Variants in NAV3 observed in about 807,000 individuals in gnomAD.
NAV3 encodes the protein neuron navigator 3, also known as pore membrane and/or filament interacting like protein 1.
A neutral mutation model predicts 244.7 loss-of-function variants in NAV3; 87 were observed. That is an observed-to-expected ratio of 0.36 (90% confidence interval 0.30 to 0.42). NAV3 has a LOEUF of 0.42. Ranked by LOEUF, NAV3 falls within the 20% of genes least tolerant of loss-of-function variation. The probability of loss-of-function intolerance (pLI) is 1.00; values close to 1 mark genes in which losing one functional copy is unlikely to be tolerated. For synonymous variants in NAV3, 1,126 were observed against 1,042.2 expected, an observed-to-expected ratio of 1.08 and a Z score of -1.55; for missense variants, 2,663 against 2,893.3, an observed-to-expected ratio of 0.92 and a Z score of 1.83.
chr12:77,677,192 C>A (rs1874243979), intron 2 of NAV3, among the ~76,000 whole-genome samples: 1 of 152,108 alleles, frequency 6.6e-6, no homozygotes, highest in African/African-American at 2.4e-5. Context: ...ACTTATGCAA[C>A]AAATATTGAT....
intron 16 of NAV3, among the ~76,000 whole-genome samples, chr12:78,123,856 C>T (rs143812154): frequency 3.9e-5 from 6 of 152,232 alleles, no homozygotes; most frequent in African/African-American, 1.4e-4. Context: ...CCTAAAATGT[C>T]GGGCTTCCTG....
intron 2 of NAV3, among the ~76,000 whole-genome samples, chr12:77,778,744 G>T (rs12828151): frequency 6.6e-6 from 1 of 152,196 alleles, no homozygotes; most frequent in South Asian, 2.1e-4. Flanking sequence ...GTCTTTAAGG[G>T]AAGAGTTGTC....
intron 12 of NAV3, among the ~76,000 whole-genome samples, chr12:78,071,917 A>G (rs985542199): frequency 7.9e-5 from 12 of 152,190 alleles, no homozygotes; most frequent in Non-Finnish European, 1.3e-4. Context: ...AAACTGAACA[A>G]CCTGCTCCTG....
At chr12:77,826,948 A>C (rs1402583425), upstream of NAV3, among the ~76,000 whole-genome samples, 3 of 152,180 alleles carry the variant, frequency 2.0e-5, no homozygotes, top group African/African-American at 7.2e-5. Context: ...GAGACCAGGC[A>C]CAGTGGTTCA....
intron 39 of NAV3, among the ~76,000 whole-genome samples, chr12:78,206,775 T>A (rs962114217): frequency 2.0e-5 from 3 of 151,938 alleles, no homozygotes; most frequent in South Asian, 2.1e-4. Flanking sequence ...GTAAAAGACG[T>A]CATCTAAAAC....
At chr12:78,191,851 A>G (rs527708588) in intron 34 of NAV3, among the ~76,000 whole-genome samples, 10 of 152,222 alleles carry the variant, frequency 6.6e-5, no homozygotes, top group Middle Eastern at 3.4e-3. Context: ...TTTTTCCTCA[A>G]TGTTGGTATG....
chr12:78,193,940 T>C (rs1473751264), intron 34 of NAV3, among the ~76,000 whole-genome samples: 5 of 152,094 alleles, frequency 3.3e-5, no homozygotes, highest in African/African-American at 1.2e-4. Context: ...TATCATTTTC[T>C]CCTTGTTTCC....
At chr12:77,716,144 A>G (rs1394086879) in intron 2 of NAV3, among the ~76,000 whole-genome samples, 1 of 151,958 alleles carries the variant, frequency 6.6e-6, no homozygotes, top group Non-Finnish European at 1.5e-5. Context: ...TTTCCTATCT[A>G]TGTAAATCTT....
At chr12:77,859,618 TA>T (rs1555217231) in intron 1 of NAV3, among the ~76,000 whole-genome samples, 1,562 of 136,554 alleles carry the variant, frequency 0.011, 17 homozygotes, top group Middle Eastern at 0.016. Context: ...TAAAGTGTAA[TA>T]AAAAAAAAAA....
chr12:77,792,422 C>T (rs956280765), intron 2 of NAV3, among the ~76,000 whole-genome samples: 1 of 152,170 alleles, frequency 6.6e-6, no homozygotes, highest in African/African-American at 2.4e-5. Context: ...CATTGGATGT[C>T]AGTCATGGTG....
chr12:77,954,810 G>GT (rs1180430522), intron 3 of NAV3, among the ~76,000 whole-genome samples: 1 of 152,146 alleles, frequency 6.6e-6, no homozygotes, highest in Non-Finnish European at 1.5e-5. Flanking sequence ...AAATTGGAGT[G>GT]TATTTCAGAT....
chr12:78,058,282 C>T (rs1332027380), intron 11 of NAV3, among the ~76,000 whole-genome samples: 1 of 151,994 alleles, frequency 6.6e-6, no homozygotes, highest in Non-Finnish European at 1.5e-5. Flanking sequence ...GGAGGCTTCA[C>T]AATCATAGTG....
intron 1 of NAV3, among the ~76,000 whole-genome samples, chr12:77,867,573 C>A (rs1488075233): frequency 6.6e-6 from 1 of 151,612 alleles, no homozygotes; most frequent in Non-Finnish European, 1.5e-5. Context: ...GCGCCCGCCA[C>A]CACGCCCGGC....
chr12:77,941,035 C>A, intron 2 of NAV3, 46 bp from the exon 3 acceptor site: 1 of 1,207,426 alleles, frequency 8.3e-7, no homozygotes, highest in Non-Finnish European at 1.2e-6. Flanking sequence ...ATTGCTTAAG[C>A]ATGTCGTTCT....
intron 9 of NAV3, among the ~76,000 whole-genome samples, chr12:78,042,933 A>T (rs1171764457): frequency 7.0e-6 from 1 of 143,402 alleles, no homozygotes; most frequent in Admixed American, 6.8e-5. Context: ...TAATGATCAT[A>T]GTTTTTTTTT....
intron 11 of NAV3, among the ~76,000 whole-genome samples, chr12:78,057,791 T>C (rs1883727294): frequency 6.6e-6 from 1 of 152,196 alleles, no homozygotes; most frequent in African/African-American, 2.4e-5. Flanking sequence ...AGCAGCACTG[T>C]AGTTGAACCT....
At chr12:78,191,826 A>G (rs1248403915) in intron 34 of NAV3, among the ~76,000 whole-genome samples, 2 of 152,144 alleles carry the variant, frequency 1.3e-5, no homozygotes, top group Admixed American at 1.3e-4. Context: ...CCTCTTAGTC[A>G]TCCTCAATGT....
chr12:77,897,555 C>G (rs1488783693), intron 1 of NAV3, among the ~76,000 whole-genome samples: 1 of 152,176 alleles, frequency 6.6e-6, no homozygotes, highest in African/African-American at 2.4e-5. Context: ...AGTAACTTCA[C>G]AGCAGTTTGA....
At chr12:77,828,832 T>C (rs758340322), upstream of NAV3, among the ~76,000 whole-genome samples, 2 of 152,158 alleles carry the variant, frequency 1.3e-5, no homozygotes, top group African/African-American at 2.4e-5. Context: ...TTTTTTTCAA[T>C]CTAATTGTTC....
Sources: gnomAD v4.1 joint callset for allele counts (sites outside exome capture counted in the v4.1 genomes callset) on GRCh38, gnomAD v4.1.1 for gene constraint, MANE v1.5 for transcripts, NCBI Gene and HGNC (gene_info 2026-07-23, HGNC 2026-07-21) for gene names.